The following TNKS variants were observed in gnomAD, a reference collection of about 807,000 sequenced individuals.
The protein encoded by TNKS is tankyrase, also known as poly [ADP-ribose] polymerase tankyrase-1.
In TNKS, 72 loss-of-function variants were observed where a neutral mutation model predicts 135.8. That is an observed-to-expected ratio of 0.53 (90% CI 0.44 to 0.64). The LOEUF is 0.64. Among genes scored for constraint, TNKS ranks in the 30% least tolerant of loss-of-function variants. The pLI, the probability that TNKS is intolerant of heterozygous loss-of-function variation, is 0.00. For missense variants in TNKS, 1,769 were observed against 1,674.0 expected (o/e 1.06, Z -0.99); for synonymous variants, 849 against 649.3 (o/e 1.31, Z -4.68).
intron 11 of TNKS, among the ~76,000 whole-genome samples, chr8:9,717,071 TAATA>T (rs1288563508): frequency 0.011 from 154 of 13,772 alleles, 24 homozygotes; most frequent in South Asian, 0.041. Context: ...TGTTGTATTA[TAATA>T]TATATATATA....
chr8:9,679,725 A>C, intron 3 of TNKS: 1 of 486,256 alleles, frequency 2.1e-6, no homozygotes, highest in Non-Finnish European at 3.7e-6. Context: ...GAAGAAAGCT[A>C]TTTCATCTGA....
chr8:9,770,247 C>G lies in TNKS; in HGVS notation c.3882C>G (p.Ile1294Met). 7 of 1,612,488 alleles carry G rather than the reference C, an allele frequency of 4.3e-6. No homozygotes were observed. The highest frequency in any genetic ancestry group is 5.9e-6 in the Non-Finnish European group (7 of 1,179,310). Residue 1294 changes from isoleucine (I) to methionine (M), a missense_variant, in exon 26 of 27, where the codon ATC becomes ATG. Around this residue, in one of 5 missense-constraint regions of TNKS, gnomAD observed 722 missense variants for 688.9 expected, o/e 1.05. Coordinates refer to ENST00000310430, the MANE Select transcript of TNKS (RefSeq NM_003747.3). ...GGCTGGCATATGCTGAATATGTCAT[C>G]TACAGAGGAGAACAGGTATGTTACT... ...VNGLAYAEYV[I>M]YRGEQAYPEY...
chr8:9,624,765 C>A (rs1799993739), intron 3 of TNKS, among the ~76,000 whole-genome samples: 1 of 152,072 alleles, frequency 6.6e-6, no homozygotes, highest in Non-Finnish European at 1.5e-5. Flanking sequence ...CTCAGGGGTA[C>A]TGGTTCCAGG....
intron 12 of TNKS, among the ~76,000 whole-genome samples, chr8:9,725,391 C>G (rs545115621): frequency 1.3e-5 from 2 of 152,242 alleles, no homozygotes; most frequent in South Asian, 4.1e-4. Flanking sequence ...GAAACACTCT[C>G]TTTTTTCCTC....
intron 14 of TNKS, among the ~76,000 whole-genome samples, chr8:9,732,937 C>T (rs900014028): frequency 3.3e-5 from 5 of 152,108 alleles, no homozygotes; most frequent in African/African-American, 1.2e-4. Flanking sequence ...CAACTTTTTA[C>T]CAAGGTAGAA....
At chr8:9,763,827 TTA>T (rs1807276184) in intron 22 of TNKS, among the ~76,000 whole-genome samples, 1 of 152,150 alleles carries the variant, frequency 6.6e-6, no homozygotes, top group South Asian at 2.1e-4. Flanking sequence ...AATGCCATTG[TTA>T]TAAGTAAGCT....
At chr8:9,683,675 C>G (rs979973014) in intron 5 of TNKS, among the ~76,000 whole-genome samples, 3 of 150,934 alleles carry the variant, frequency 2.0e-5, no homozygotes, top group African/African-American at 4.9e-5. Flanking sequence ...GGGTTTGAGA[C>G]TTTAGGTTTT....
intron 20 of TNKS, among the ~76,000 whole-genome samples, chr8:9,759,773 G>A (rs552363997): frequency 3.8e-4 from 58 of 152,142 alleles, no homozygotes; most frequent in African/African-American, 1.3e-3. Flanking sequence ...AGGAGATCGA[G>A]ACCATCCTGG....
At chr8:9,598,817 A>G (rs1163798366) in intron 2 of TNKS, among the ~76,000 whole-genome samples, 2 of 109,354 alleles carry the variant, frequency 1.8e-5, no homozygotes, top group Admixed American at 1.0e-4. Flanking sequence ...ATATATATAT[A>G]TGAATGAATT....
intron 1 of TNKS, among the ~76,000 whole-genome samples, chr8:9,567,706 C>T (rs1200133872): frequency 5.3e-5 from 8 of 152,154 alleles, no homozygotes; most frequent in Non-Finnish European, 7.3e-5. Flanking sequence ...CCTGAGCCAC[C>T]GCACCCTTCC....
chr8:9,694,165 A>G (rs1028174728), intron 5 of TNKS, among the ~76,000 whole-genome samples: 1 of 152,224 alleles, frequency 6.6e-6, no homozygotes, highest in Non-Finnish European at 1.5e-5. Flanking sequence ...GTGTCAGTGT[A>G]AATTTGTCAC....
At chr8:9,755,799 G>C (rs1806803977) in intron 20 of TNKS, among the ~76,000 whole-genome samples, 2 of 152,146 alleles carry the variant, frequency 1.3e-5, no homozygotes, top group African/African-American at 4.8e-5. Flanking sequence ...ATGCCAGTGG[G>C]GTGTGGAATG....
chr8:9,595,732 G>C (rs1798759739), intron 2 of TNKS, among the ~76,000 whole-genome samples: 1 of 152,028 alleles, frequency 6.6e-6, no homozygotes, highest in Non-Finnish European at 1.5e-5. Flanking sequence ...GTGATGCAAG[G>C]CTTTACTTAA....
intron 1 of TNKS, among the ~76,000 whole-genome samples, chr8:9,574,317 G>A (rs567417987): frequency 5.9e-5 from 9 of 152,070 alleles, no homozygotes; most frequent in Non-Finnish European, 1.3e-4. Flanking sequence ...CTCAACTGGC[G>A]CCTCTAAAAA....
intron 5 of TNKS, among the ~76,000 whole-genome samples, chr8:9,697,091 C>G (rs995596443): frequency 2.6e-5 from 4 of 152,136 alleles, no homozygotes; most frequent in East Asian, 1.9e-4. Context: ...GGCACTGATA[C>G]AAAAAACAGA....
chr8:9,680,662 A>T, intron 4 of TNKS, 63 bp from the exon 5 acceptor site: 1 of 1,154,688 alleles, frequency 8.7e-7, no homozygotes, highest in South Asian at 1.3e-5. Context: ...TGAAAAAATT[A>T]TGCATAAATA....
At position 9,781,827 on chromosome 8, in the gene TNKS, C is replaced by G. The variant is rs1808470422; in HGVS notation, c.*5091C>G. The G allele has an allele frequency of 6.6e-6, 1 of 152,566 alleles. No homozygotes were observed. The highest frequency in any genetic ancestry group is 2.1e-4 in the South Asian group (1 of 4,818). 9.5% of individuals were successfully genotyped at this position (152,566 alleles called of 1,614,324 possible). On this transcript the variant is annotated 3_prime_UTR_variant, in exon 27 of 27. Transcript: ENST00000310430. Reference sequence around the variant, plus strand: ...TATTCGTGTTGTTTTTATTTTTAGTCTCTGTGTGACCCAACAGTGGCAGGG... The same window carrying G: ...TATTCGTGTTGTTTTTATTTTTAGTGTCTGTGTGACCCAACAGTGGCAGGG...
At chr8:9,672,075 T>C (rs1313230566) in intron 3 of TNKS, among the ~76,000 whole-genome samples, 1 of 152,222 alleles carries the variant, frequency 6.6e-6, no homozygotes, top group Non-Finnish European at 1.5e-5. Flanking sequence ...GCAGCACTTG[T>C]GTGCAAGTAA....
chr8:9,604,983 T>G (rs1799160619), intron 2 of TNKS, among the ~76,000 whole-genome samples: 1 of 152,022 alleles, frequency 6.6e-6, no homozygotes. Flanking sequence ...ATAAAGCTTT[T>G]AAAATATTAG....
Sources: gnomAD v4.1 joint callset for allele counts (sites outside exome capture counted in the v4.1 genomes callset) on GRCh38, gnomAD v4.1.1 for gene constraint, gnomAD v4.1.1 regional missense constraint, MANE v1.5 for transcripts, NCBI Gene and HGNC (gene_info 2026-07-23, HGNC 2026-07-21) for gene names.